Variants in FRY observed in about 807,000 individuals in gnomAD.
FRY encodes FRY microtubule binding protein, also known as protein furry homolog.
FRY carries 128 observed loss-of-function variants against 348.4 expected under a neutral mutation model. That is an observed-to-expected ratio of 0.37 (90% CI 0.32 to 0.43). The LOEUF (loss-of-function observed/expected upper bound fraction) is 0.43, where lower values mean the gene tolerates loss of function less well. Among genes scored for constraint, FRY ranks in the 20% least tolerant of loss-of-function variants. The pLI, the probability that FRY is intolerant of heterozygous loss-of-function variation, is 1.00. For missense variants in FRY, 2,736 were observed against 3,695.2 expected (o/e 0.74, Z 6.73); for synonymous variants, 1,370 against 1,374.7 (o/e 1.00, Z 0.08).
At chr13:32,095,324 T>G (rs9562470) in intron 2 of FRY, among the ~76,000 whole-genome samples, 12,982 of 147,598 alleles carry the variant, frequency 0.088, 652 homozygotes, top group East Asian at 0.23. Context: ...TTGTTTCCTT[T>G]GCTGTATGGA....
chr13:32,076,712 G>C (rs1464410189), intron 1 of FRY, among the ~76,000 whole-genome samples: 1 of 152,116 alleles, frequency 6.6e-6, no homozygotes, highest in Non-Finnish European at 1.5e-5. Flanking sequence ...TTTTCAGTTA[G>C]TTATTTAAGG....
Position 32,249,574 on chromosome 13 carries a change from C to A in FRY, c.7057C>A (p.Arg2353Ser), listed in dbSNP as rs754836335. The A allele has an allele frequency of 5.0e-6, 8 of 1,613,974 alleles. No homozygotes were observed. Among genetic ancestry groups the A allele is most frequent in the African/African-American group, 2.7e-5 (2 of 74,904 alleles). ...TGATGAGCTGCAGAATTCTTCTGGG[C>A]GTGATGGGAAGCCCAGGGCCATGGC... The part of the protein sequence containing the change: ...RYDELQNSSG[R>S]DGKPRAMAVT... The change falls in exon 49 of 61, where the codon CGT becomes AGT. Residue 2353 changes from arginine to serine, a missense_variant. Around this residue, in one of 9 missense-constraint regions of FRY, gnomAD observed 789 missense variants for 996.2 expected, o/e 0.79. Coordinates refer to ENST00000542859, the MANE Select transcript of FRY (RefSeq NM_023037.3).
At chr13:32,086,366 G>A (rs1030362683) in intron 2 of FRY, among the ~76,000 whole-genome samples, 12 of 152,100 alleles carry the variant, frequency 7.9e-5, no homozygotes, top group African/African-American at 1.9e-4. Flanking sequence ...TTGTTTTCTC[G>A]TCTATGAAAG....
intron 1 of FRY, among the ~76,000 whole-genome samples, chr13:32,056,595 G>T (rs900340940): frequency 6.6e-6 from 1 of 152,198 alleles, no homozygotes; most frequent in Non-Finnish European, 1.5e-5. Flanking sequence ...GTTTGCTTAT[G>T]TTGTGCTCCA....
chr13:32,145,585 C>T (rs368460711), intron 11 of FRY, among the ~76,000 whole-genome samples: 4 of 142,660 alleles, frequency 2.8e-5, no homozygotes, highest in African/African-American at 1.1e-4. Flanking sequence ...TCGCCCAGGC[C>T]GGACTGCGGA....
At chr13:32,057,184 T>G (rs1184677581) in intron 1 of FRY, among the ~76,000 whole-genome samples, 2 of 152,036 alleles carry the variant, frequency 1.3e-5, no homozygotes, top group African/African-American at 2.4e-5. Context: ...TTTTATTTTT[T>G]TTTTAAGACA....
chr13:32,186,789 TC>T (rs34727848), intron 27 of FRY, among the ~76,000 whole-genome samples: 2,743 of 152,194 alleles, frequency 0.018, 108 homozygotes, highest in African/African-American at 0.062. Context: ...GAAATAAATT[TC>T]CCCCCAACTA....
chr13:32,213,451 G>A (rs1037961072), intron 35 of FRY, among the ~76,000 whole-genome samples: 7 of 152,156 alleles, frequency 4.6e-5, no homozygotes, highest in East Asian at 1.9e-4. Context: ...AGCAGATCAC[G>A]AATTATAGAC....
In FRY at chr13:32,238,001, G is replaced by A. The variant is rs751863111; in HGVS notation, c.6418+15G>A. The stretch of plus-strand genomic sequence containing the variant: ...CCACGCTATTGGTAAAGCCAGCCTC[G>A]TTCACCCTGTCTCAATTCTGATGGT... On this transcript the variant is annotated intron_variant, in intron 44 of 60. Coordinates refer to ENST00000542859, the MANE Select transcript of FRY (RefSeq NM_023037.3). The A allele has an allele frequency of 4.2e-5, 68 of 1,611,816 alleles. No homozygotes were observed. Among genetic ancestry groups the A allele is most frequent in the African/African-American group, 5.3e-5 (4 of 74,892 alleles).
chr13:32,170,628 C>A (rs887021986), intron 17 of FRY, among the ~76,000 whole-genome samples: 1 of 152,162 alleles, frequency 6.6e-6, no homozygotes. Flanking sequence ...CCTCAGCCTC[C>A]CAGGTTCATG....
At chr13:32,151,218 T>C (rs1188825173) in intron 14 of FRY, among the ~76,000 whole-genome samples, 1 of 152,276 alleles carries the variant, frequency 6.6e-6, no homozygotes, top group Non-Finnish European at 1.5e-5. Flanking sequence ...TAAAATGTAT[T>C]CTTGGTTCTT....
In FRY at chr13:32,131,774, C is replaced by T. The variant is rs1393378778; in HGVS notation, c.819C>T (p.Gly273=). 5 of 1,612,340 alleles carry T rather than the reference C, an allele frequency of 3.1e-6. No individual in the cohort carries two copies. The highest frequency in any genetic ancestry group is 4.2e-6 in the Non-Finnish European group (5 of 1,178,346). ...VVQSIISLIM[G]MKFFRIKMYP... ...AAAGCATTATCAGCTTAATAATGGG[C>T]ATGAAATTCTTTCGAATTAAGATGT... Residue 273 remains glycine (G), a synonymous_variant, in exon 8 of 61, where the codon GGC becomes GGT. Transcript: ENST00000542859.
chr13:32,166,659 G>C (rs1286299735), intron 17 of FRY, among the ~76,000 whole-genome samples: 2 of 150,590 alleles, frequency 1.3e-5, no homozygotes, highest in Non-Finnish European at 3.0e-5. Flanking sequence ...AACTGTATCT[G>C]ACAGGCAGCC....
In FRY at chr13:32,289,581, G is replaced by A. The variant is rs1283144999; in HGVS notation, c.8470-52G>A. The A allele has an allele frequency of 2.7e-6, 3 of 1,096,902 alleles. No individual in the cohort carries two copies. The Admixed American group carries it at 5.1e-5, about 19-fold the overall frequency. 67.9% of individuals were successfully genotyped at this position (1,096,902 alleles called of 1,614,324 possible). A position where few individuals can be genotyped will look rare whatever the true frequency, so the allele number is the denominator to read the frequency against. Reference sequence around the variant, plus strand: ...TCCATTGAGATTTCACTAGTTATATGTGAATGATCTTTAACAATAACTGTT... The same window carrying A: ...TCCATTGAGATTTCACTAGTTATATATGAATGATCTTTAACAATAACTGTT... On this transcript the variant is annotated intron_variant, in intron 58 of 60. Transcript: ENST00000542859.
At chr13:32,240,655 A>T (rs903219749) in intron 46 of FRY, among the ~76,000 whole-genome samples, 10 of 152,220 alleles carry the variant, frequency 6.6e-5, no homozygotes, top group African/African-American at 2.4e-4. Flanking sequence ...AGTCTCCAAC[A>T]AGTTTATTAC....
At chr13:32,235,938 G>T in intron 42 of FRY, 140 bp from the exon 43 acceptor site, 1 of 709,344 alleles carries the variant, frequency 1.4e-6, no homozygotes, top group South Asian at 1.5e-5. Context: ...TTCCTAAGTG[G>T]CCCTTAAAGC....
rs201965055 is a variant in FRY at position 32,171,288 on chromosome 13, C to T, written c.2151+18C>T. On this transcript the variant is annotated intron_variant, in intron 18 of 60. Coordinates refer to ENST00000542859, the MANE Select transcript of FRY (RefSeq NM_023037.3). Reference sequence around the variant, plus strand: ...ATTCAGAGGTGATTTTCACACCTTACCCATGAATTTATATTCTTTTTTTTT... The same window carrying T: ...ATTCAGAGGTGATTTTCACACCTTATCCATGAATTTATATTCTTTTTTTTT... The T allele has an allele frequency of 2.7e-5, 37 of 1,358,974 alleles. No homozygotes were observed. The highest frequency in any genetic ancestry group is 3.7e-5 in the Non-Finnish European group (36 of 963,434). 84.2% of individuals were successfully genotyped at this position (1,358,974 alleles called of 1,614,324 possible).
intron 1 of FRY, among the ~76,000 whole-genome samples, chr13:32,078,478 T>G (rs1232828599): frequency 6.6e-6 from 1 of 152,210 alleles, no homozygotes; most frequent in African/African-American, 2.4e-5. Flanking sequence ...TTTTCCCATA[T>G]ATGTTTTCTA....
chr13:32,148,120 AT>A (rs1239011304), intron 13 of FRY, among the ~76,000 whole-genome samples, 173 bp downstream of exon 13: 2 of 152,362 alleles, frequency 1.3e-5, no homozygotes, highest in Non-Finnish European at 2.9e-5. Flanking sequence ...TTCAAAACAA[AT>A]TGTGAGTTGA....
Sources: gnomAD v4.1 joint callset for allele counts (sites outside exome capture counted in the v4.1 genomes callset) on GRCh38, gnomAD v4.1.1 for gene constraint, gnomAD v4.1.1 regional missense constraint, MANE v1.5 for transcripts, NCBI Gene and HGNC (gene_info 2026-07-23, HGNC 2026-07-21) for gene names.